Variants in GNA14 observed in about 807,000 individuals in gnomAD.
The protein encoded by GNA14 is guanine nucleotide-binding protein subunit alpha-14.
In GNA14, 50 loss-of-function variants were observed where a neutral mutation model predicts 42.0. The observed-to-expected ratio is 1.19, with a 90% CI of 0.95 to 1.51. The LOEUF is 1.51. Ranked by LOEUF, GNA14 falls within the 40% of genes most tolerant of loss-of-function variation. The pLI is 0.00. For missense variants in GNA14, 473 were observed against 446.2 expected (o/e 1.06, Z -0.54); for synonymous variants, 173 against 163.1 (o/e 1.06, Z -0.46).
At chr9:77,634,526 G>A (rs982075554) in intron 1 of GNA14, among the ~76,000 whole-genome samples, 2 of 151,440 alleles carry the variant, frequency 1.3e-5, no homozygotes, top group Non-Finnish European at 1.5e-5. Context: ...GGAGGGAGGA[G>A]GCAAAAAGGC....
chr9:77,498,373 CAAAA>C (rs766816001), intron 2 of GNA14, among the ~76,000 whole-genome samples: 15 of 54,122 alleles, frequency 2.8e-4, no homozygotes, highest in African/African-American at 9.8e-4. Context: ...AAGTCTGTCT[CAAAA>C]AAAAAAAAAA....
At chr9:77,444,235 T>C (rs1587764325) in intron 2 of GNA14, among the ~76,000 whole-genome samples, 1 of 152,188 alleles carries the variant, frequency 6.6e-6, no homozygotes, top group East Asian at 1.9e-4. Context: ...CGCATCCACT[T>C]TCCGGGTCTG....
intron 2 of GNA14, among the ~76,000 whole-genome samples, chr9:77,516,902 A>C (rs1023449250): frequency 2.0e-5 from 3 of 152,218 alleles, no homozygotes; most frequent in African/African-American, 7.2e-5. Context: ...AAAGATGGGA[A>C]AGTGAGGATC....
At chr9:77,482,875 G>A (rs1454612991) in intron 2 of GNA14, among the ~76,000 whole-genome samples, 5 of 151,976 alleles carry the variant, frequency 3.3e-5, no homozygotes, top group Admixed American at 6.6e-5. Flanking sequence ...CATCCTTCAC[G>A]TCGTTCTTGA....
chr9:77,554,473 G>C (rs1048946184), intron 1 of GNA14, among the ~76,000 whole-genome samples: 2 of 152,126 alleles, frequency 1.3e-5, no homozygotes, highest in African/African-American at 4.8e-5. Context: ...GTATCAGTTT[G>C]ACTGTTAGCA....
chr9:77,520,561 C>CTTAT (rs144332892), intron 2 of GNA14, among the ~76,000 whole-genome samples: 6,544 of 151,968 alleles, frequency 0.043, 483 homozygotes, highest in African/African-American at 0.15. Context: ...AAGTTGAATA[C>CTTAT]TTATTTATTT....
chr9:77,640,215 CTCATT>C (rs1824236617), intron 1 of GNA14, among the ~76,000 whole-genome samples: 2 of 152,226 alleles, frequency 1.3e-5, no homozygotes, highest in Admixed American at 1.3e-4. Flanking sequence ...CTTGCTCTTT[CTCATT>C]TATTATTCAA....
At chr9:77,558,625 G>C (rs537696681) in intron 1 of GNA14, among the ~76,000 whole-genome samples, 3 of 152,164 alleles carry the variant, frequency 2.0e-5, no homozygotes, top group East Asian at 3.9e-4. Context: ...TGTATCTAGG[G>C]AATGGTAGAA....
chr9:77,647,232 G>T (rs777680571), intron 1 of GNA14, among the ~76,000 whole-genome samples: 23 of 152,178 alleles, frequency 1.5e-4, no homozygotes, highest in Non-Finnish European at 2.8e-4. Flanking sequence ...AACTTAGCAC[G>T]ATCTGGCACA....
At chr9:77,443,603 C>T (rs1835769391) in intron 2 of GNA14, among the ~76,000 whole-genome samples, 1 of 152,164 alleles carries the variant, frequency 6.6e-6, no homozygotes, top group Admixed American at 6.5e-5. Flanking sequence ...TCTCCAACAA[C>T]AAAAATAAAT....
intron 1 of GNA14, among the ~76,000 whole-genome samples, chr9:77,562,610 C>T (rs1252357108): frequency 6.6e-6 from 1 of 151,972 alleles, no homozygotes; most frequent in African/African-American, 2.4e-5. Context: ...GGTAAAAGTC[C>T]CATGGGCTGG....
chr9:77,465,795 C>T (rs984739561), intron 2 of GNA14, among the ~76,000 whole-genome samples: 7 of 152,056 alleles, frequency 4.6e-5, no homozygotes, highest in African/African-American at 7.2e-5. Context: ...TTTATACAGA[C>T]GGGGTCTTGC....
At chr9:77,578,242 C>T (rs1823160130) in intron 1 of GNA14, among the ~76,000 whole-genome samples, 2 of 152,224 alleles carry the variant, frequency 1.3e-5, no homozygotes, top group African/African-American at 4.8e-5. Context: ...TGCCATTACA[C>T]TCCAGCCTGG....
chr9:77,431,382 C>A lies in GNA14; in HGVS notation c.532G>T (p.Val178Phe). Residue 178 changes from valine (V) to phenylalanine (F), a missense_variant, in exon 4 of 7, where the codon GTC (valine) becomes TTC (phenylalanine). Transcript: ENST00000341700. ...ATGATGCCGGTGGTGGGCACTCGGA[C>A]GCGAAGCACATCTTGTTGGGTAGGC... ...FVPTQQDVLRVRVPTTGIIEY... is the reference protein window; with the variant it reads ...FVPTQQDVLRFRVPTTGIIEY... 1 of 1,613,560 alleles carries A rather than the reference C, an allele frequency of 6.2e-7. No individual in the cohort carries two copies. The highest frequency in any genetic ancestry group is 8.5e-7 in the Non-Finnish European group (1 of 1,179,662).
chr9:77,464,889 T>C (rs7033518), intron 2 of GNA14, among the ~76,000 whole-genome samples: 23,416 of 152,072 alleles, frequency 0.15, 5,193 homozygotes, highest in African/African-American at 0.5. Flanking sequence ...AACTTGGACA[T>C]GGACACACAG....
intron 1 of GNA14, among the ~76,000 whole-genome samples, chr9:77,539,289 T>C (rs182377178): frequency 3.5e-4 from 53 of 152,366 alleles, no homozygotes; most frequent in African/African-American, 1.3e-3. Context: ...CTTCATTCTA[T>C]TGATGTGATA....
intron 1 of GNA14, among the ~76,000 whole-genome samples, chr9:77,572,726 T>G (rs748327392): frequency 1.1e-4 from 16 of 152,226 alleles, no homozygotes; most frequent in Admixed American, 2.0e-4. Context: ...ATCCTATGCC[T>G]TGAAAATCTT....
At chr9:77,508,565 G>A (rs905468928) in intron 2 of GNA14, among the ~76,000 whole-genome samples, 3 of 152,166 alleles carry the variant, frequency 2.0e-5, no homozygotes, top group East Asian at 1.9e-4. Flanking sequence ...ACCACAGTAC[G>A]TGTATATATG....
At chr9:77,495,005 G>C (rs983490334) in intron 2 of GNA14, among the ~76,000 whole-genome samples, 2 of 152,024 alleles carry the variant, frequency 1.3e-5, no homozygotes, top group Non-Finnish European at 2.9e-5. Context: ...TTGCCATGTT[G>C]GCCAGACTGG....
Sources: allele counts gnomAD v4.1 joint callset (sites outside exome capture counted in the v4.1 genomes callset), GRCh38; gene constraint gnomAD v4.1.1; transcripts MANE v1.5; gene names NCBI Gene and HGNC (gene_info 2026-07-23, HGNC 2026-07-21).